The following LHFPL3 variants were observed in gnomAD, a reference collection of about 807,000 sequenced individuals.
LHFPL3 encodes LHFPL tetraspan subfamily member 3 protein.
A neutral mutation model predicts 19.3 loss-of-function variants in LHFPL3; 5 were observed. The observed-to-expected ratio is 0.26, with a 90% CI of 0.14 to 0.54. The LOEUF (loss-of-function observed/expected upper bound fraction) is 0.54. Among genes scored for constraint, LHFPL3 ranks in the 20% least tolerant of loss-of-function variants. The pLI is 0.94. For missense variants in LHFPL3, 249 were observed against 307.4 expected, an observed-to-expected ratio of 0.81 and a Z score of 1.42; for synonymous variants, 133 against 126.2, an observed-to-expected ratio of 1.05 and a Z score of -0.36.
intron 2 of LHFPL3, among the ~76,000 whole-genome samples, chr7:104,830,377 T>TGC (rs1790927687): frequency 6.6e-6 from 1 of 151,862 alleles, no homozygotes; most frequent in Non-Finnish European, 1.5e-5. Flanking sequence ...TGCCATTGCT[T>TGC]TTGGTGTTTT....
At chr7:104,734,667 TC>T (rs998164912) in intron 1 of LHFPL3, among the ~76,000 whole-genome samples, 1 of 152,228 alleles carries the variant, frequency 6.6e-6, no homozygotes, top group African/African-American at 2.4e-5. Flanking sequence ...GGTTCAAACT[TC>T]CTCTTTAGCT....
At chr7:104,857,334 A>G (rs1199742585) in intron 2 of LHFPL3, among the ~76,000 whole-genome samples, 1 of 152,232 alleles carries the variant, frequency 6.6e-6, no homozygotes, top group African/African-American at 2.4e-5. Flanking sequence ...CAAATATAAT[A>G]TCATACATCC....
At chr7:104,391,619 G>A (rs1233982791) in intron 1 of LHFPL3, among the ~76,000 whole-genome samples, 1 of 152,174 alleles carries the variant, frequency 6.6e-6, no homozygotes. Context: ...CAGGTAGTGT[G>A]ACGCCTCTAG....
At chr7:104,425,450 A>C (rs974263068) in intron 1 of LHFPL3, among the ~76,000 whole-genome samples, 18 of 152,166 alleles carry the variant, frequency 1.2e-4, no homozygotes, top group Non-Finnish European at 2.5e-4. Flanking sequence ...TAAGCTCTTA[A>C]TATATTGCCA....
intron 1 of LHFPL3, among the ~76,000 whole-genome samples, chr7:104,697,309 G>T (rs1225908857): frequency 6.6e-6 from 1 of 152,166 alleles, no homozygotes; most frequent in Non-Finnish European, 1.5e-5. Flanking sequence ...GGTAACTTCT[G>T]AGCAAAGATT....
intron 1 of LHFPL3, among the ~76,000 whole-genome samples, chr7:104,632,344 A>G (rs1258569433): frequency 6.6e-6 from 1 of 152,188 alleles, no homozygotes; most frequent in East Asian, 1.9e-4. Context: ...TAATAACACT[A>G]TTTTAATATG....
intron 2 of LHFPL3, among the ~76,000 whole-genome samples, chr7:104,863,543 T>C (rs1009004219): frequency 2.0e-5 from 3 of 152,232 alleles, no homozygotes; most frequent in African/African-American, 7.2e-5. Context: ...GTGATCAGGA[T>C]GTAGGGTGCA....
intron 1 of LHFPL3, among the ~76,000 whole-genome samples, chr7:104,448,093 G>A (rs771036056): frequency 6.2e-4 from 95 of 152,126 alleles, no homozygotes; most frequent in Non-Finnish European, 1.1e-3. Context: ...CAACCAGATT[G>A]TTATATTTTG....
At chr7:104,333,140 T>A (rs1241053346) in intron 1 of LHFPL3, among the ~76,000 whole-genome samples, 2 of 152,230 alleles carry the variant, frequency 1.3e-5, no homozygotes, top group African/African-American at 4.8e-5. Context: ...TTCAGTTGGT[T>A]TCTGAGTCTA....
chr7:104,445,836 A>G (rs976360927), intron 1 of LHFPL3, among the ~76,000 whole-genome samples: 1 of 152,272 alleles, frequency 6.6e-6, no homozygotes, highest in Admixed American at 6.5e-5. Context: ...CTATCTCAAC[A>G]TCTCTCCTGC....
intron 1 of LHFPL3, among the ~76,000 whole-genome samples, chr7:104,570,834 A>G (rs190533222): frequency 3.3e-5 from 5 of 152,272 alleles, no homozygotes; most frequent in East Asian, 1.9e-4. Flanking sequence ...CTTCTCCCCA[A>G]TAGGCCGTAC....
At chr7:104,501,104 A>G (rs1793591426) in intron 1 of LHFPL3, among the ~76,000 whole-genome samples, 1 of 152,052 alleles carries the variant, frequency 6.6e-6, no homozygotes, top group South Asian at 2.1e-4. Flanking sequence ...TCTGGCAAAA[A>G]AAAATGCTCA....
intron 1 of LHFPL3, among the ~76,000 whole-genome samples, chr7:104,502,116 T>G (rs539168287): frequency 6.6e-6 from 1 of 152,196 alleles, no homozygotes; most frequent in Non-Finnish European, 1.5e-5. Flanking sequence ...ATACCAATAT[T>G]GAGATTGTAT....
intron 1 of LHFPL3, among the ~76,000 whole-genome samples, chr7:104,645,354 A>T (rs1486989437): frequency 1.3e-5 from 2 of 152,136 alleles, no homozygotes; most frequent in Non-Finnish European, 2.9e-5. Flanking sequence ...TTTTGCTTTC[A>T]AAAAGGGAAA....
At chr7:104,901,562 T>TTTTTTTGC (rs1792485201) in intron 2 of LHFPL3, among the ~76,000 whole-genome samples, 1 of 151,926 alleles carries the variant, frequency 6.6e-6, no homozygotes, top group South Asian at 2.1e-4. Context: ...AGCTTTTTTG[T>TTTTTTTGC]TTTTTTGTTT....
intron 1 of LHFPL3, among the ~76,000 whole-genome samples, chr7:104,514,822 G>C (rs1243281447): frequency 6.6e-6 from 1 of 152,178 alleles, no homozygotes; most frequent in Non-Finnish European, 1.5e-5. Context: ...AATATGCAAA[G>C]TTAAGAACCA....
chr7:104,893,157 T>C (rs1167056791), intron 2 of LHFPL3, among the ~76,000 whole-genome samples: 1 of 150,994 alleles, frequency 6.6e-6, no homozygotes, highest in African/African-American at 2.4e-5. Flanking sequence ...GAGGTTGCAA[T>C]AAGCTGTGAT....
chr7:104,789,473 G>T (rs377581124), intron 2 of LHFPL3, among the ~76,000 whole-genome samples: 2 of 152,078 alleles, frequency 1.3e-5, no homozygotes, highest in Non-Finnish European at 1.5e-5. Flanking sequence ...TCAGTCTTCA[G>T]CTATCTTCAT....
At chr7:104,765,835 A>G (rs1794448561) in intron 2 of LHFPL3, among the ~76,000 whole-genome samples, 1 of 152,160 alleles carries the variant, frequency 6.6e-6, no homozygotes, top group South Asian at 2.1e-4. Context: ...CAGATGTCTG[A>G]TTACTGTAGC....
Sources: gnomAD v4.1 joint callset for allele counts (sites outside exome capture counted in the v4.1 genomes callset) on GRCh38, gnomAD v4.1.1 for gene constraint, MANE v1.5 for transcripts, NCBI Gene and HGNC (gene_info 2026-07-23, HGNC 2026-07-21) for gene names.